Variants in GLCCI1 observed in about 807,000 individuals in gnomAD.
GLCCI1 encodes the protein glucocorticoid induced 1.
A neutral mutation model predicts 52.2 loss-of-function variants in GLCCI1; 24 were observed. The observed-to-expected ratio is 0.46, with a 90% confidence interval of 0.33 to 0.65. The LOEUF is 0.65. Among genes scored for constraint, GLCCI1 ranks in the 30% least tolerant of loss-of-function variants. The pLI, the probability that GLCCI1 is intolerant of heterozygous loss-of-function variation, is 0.02. For missense variants in GLCCI1, 704 were observed against 701.5 expected, an observed-to-expected ratio of 1.00 and a Z score of -0.04; for synonymous variants, 310 against 276.5, an observed-to-expected ratio of 1.12 and a Z score of -1.20.
At chr7:8,066,560 C>T (rs1782635628) in intron 5 of GLCCI1, among the ~76,000 whole-genome samples, 1 of 149,862 alleles carries the variant, frequency 6.7e-6, no homozygotes, top group African/African-American at 2.5e-5. Flanking sequence ...TAGCTGTGTC[C>T]CATAGAATCT....
chr7:8,076,531 AT>A (rs1296806756), intron 6 of GLCCI1, among the ~76,000 whole-genome samples: 7 of 152,212 alleles, frequency 4.6e-5, no homozygotes, highest in Admixed American at 3.3e-4. Context: ...TATCCAGTAA[AT>A]GCTATTGTCC....
intron 1 of GLCCI1, among the ~76,000 whole-genome samples, chr7:7,987,486 A>T (rs1780758117): frequency 6.6e-6 from 1 of 152,168 alleles, no homozygotes; most frequent in Admixed American, 6.5e-5. Context: ...ACTGTTCAGG[A>T]TCTCATTGCC....
intron 3 of GLCCI1, among the ~76,000 whole-genome samples, chr7:8,044,516 A>C (rs1345796209): frequency 3.3e-5 from 5 of 151,992 alleles, no homozygotes; most frequent in Admixed American, 6.6e-5. Context: ...GACTATAGGC[A>C]TATGCCACCA....
intron 2 of GLCCI1, among the ~76,000 whole-genome samples, chr7:8,012,218 T>G (rs533410147): frequency 2.0e-5 from 3 of 152,272 alleles, no homozygotes; most frequent in African/African-American, 7.2e-5. Context: ...TTGTATTTCC[T>G]AAATGATTAA....
chr7:7,990,028 C>T (rs1780808664), intron 1 of GLCCI1, among the ~76,000 whole-genome samples: 1 of 151,656 alleles, frequency 6.6e-6, no homozygotes, highest in Non-Finnish European at 1.5e-5. Flanking sequence ...AAAATGTAAT[C>T]AGAAGTGAAG....
intron 6 of GLCCI1, among the ~76,000 whole-genome samples, chr7:8,072,273 A>G (rs1214999627): frequency 1.3e-5 from 2 of 152,210 alleles, no homozygotes; most frequent in East Asian, 1.9e-4. Context: ...ACTTATCATT[A>G]TACCTAACTC....
intron 4 of GLCCI1, 26 bp downstream of exon 4, chr7:8,055,575 G>A: frequency 7.6e-7 from 1 of 1,317,496 alleles, no homozygotes; most frequent in Non-Finnish European, 1.1e-6. Flanking sequence ...GTCCAGATTT[G>A]AATAATTACT....
At chr7:8,015,274 T>TA (rs1343573471) in intron 2 of GLCCI1, among the ~76,000 whole-genome samples, 61 of 152,342 alleles carry the variant, frequency 4.0e-4, no homozygotes, top group Non-Finnish European at 5.7e-4. Flanking sequence ...ATATAAAAAA[T>TA]AACTTTCAGT....
intron 1 of GLCCI1, chr7:7,981,582 C>G (rs37983): frequency 0.47 from 88,712 of 190,666 alleles, 21,061 homozygotes; most frequent in Middle Eastern, 0.55. Context: ...CCTGGCCTCC[C>G]AAAGTGCTGG....
At position 8,071,112 on chromosome 7, in the gene GLCCI1, G is replaced by T; in HGVS notation, c.1158G>T (p.Leu386Phe). The T allele has an allele frequency of 6.2e-7, 1 of 1,614,010 alleles. No homozygotes were observed. The highest frequency in any genetic ancestry group is 1.6e-4 in the Middle Eastern group (1 of 6,062). ...GTAGCCCTTGCTCAACAGAAGATTT[G>T]CTCTATGATCGTGATAAAGGTAAGA... ...QDGSPCSTED[L>F]LYDRDKDSGS... Residue 386 changes from leucine (L) to phenylalanine (F), a missense_variant, in exon 6 of 8, where the codon TTG (leucine) becomes TTT (phenylalanine). Transcript: ENST00000223145.
intron 3 of GLCCI1, among the ~76,000 whole-genome samples, chr7:8,043,322 A>G (rs1782044058): frequency 6.8e-6 from 1 of 147,088 alleles, no homozygotes; most frequent in Non-Finnish European, 1.5e-5. Context: ...TCATTCAACA[A>G]TGCTGTGGTA....
chr7:7,969,603 G>A lies in GLCCI1; in HGVS notation c.253G>A (p.Val85Ile). 1 of 1,030,100 alleles carries A rather than the reference G, an allele frequency of 9.7e-7. No homozygotes were observed. The highest frequency in any genetic ancestry group is 1.7e-5 in the African/African-American group (1 of 57,336). 63.8% of individuals were successfully genotyped at this position (1,030,100 alleles called of 1,614,324 possible). A position where few individuals can be genotyped will look rare whatever the true frequency, so the allele number is the denominator to read the frequency against. The change falls in exon 1 of 8, where the codon GTC (valine) becomes ATC (isoleucine). Residue 85 changes from valine to isoleucine, a missense_variant. Coordinates refer to ENST00000223145, the MANE Select transcript of GLCCI1 (RefSeq NM_138426.4). The surrounding 1 kb of genome is among the most constrained non-coding windows in gnomAD (Gnocchi z 4.9). ...GSQHSPTRPP[V>I]AAAAASLGSL... is the part of the protein sequence containing the mutation. ...CCAGCACAGTCCCACGCGTCCGCCC[G>A]TCGCCGCTGCCGCCGCCTCGCTGGG...
chr7:7,978,670 A>G (rs1780548150), intron 1 of GLCCI1, among the ~76,000 whole-genome samples: 2 of 152,188 alleles, frequency 1.3e-5, no homozygotes, highest in Admixed American at 1.3e-4. Context: ...TGTGATGGAT[A>G]AAGTTTCTCA....
intron 1 of GLCCI1, among the ~76,000 whole-genome samples, chr7:7,992,673 G>A (rs1028655944): frequency 6.6e-6 from 1 of 151,784 alleles, no homozygotes. Flanking sequence ...TTGTTCCTTT[G>A]GTCATTTCTT....
chr7:7,992,111 C>T (rs983152960), intron 1 of GLCCI1, among the ~76,000 whole-genome samples: 5 of 130,076 alleles, frequency 3.8e-5, no homozygotes, highest in East Asian at 2.4e-4. Context: ...GTCTGTTTCT[C>T]TCTCTCTCTC....
rs534262194 is a variant in GLCCI1, at chr7:8,052,337, T to A, written c.697-3096T>A. Among the ~76,000 whole-genome samples the A allele has an allele frequency of 2.6e-5, 4 of 152,338 alleles. No individual in the cohort carries two copies. The East Asian group carries it at 7.7e-4, about 29-fold the overall frequency. ...AGAGTTTCTAACTATTGAATACAAA[T>A]TATTACAGTTTATGGATTGAATTTT... is the stretch of plus-strand genomic sequence containing the variant. On this transcript the variant is annotated intron_variant, in intron 3 of 7. Transcript: ENST00000223145.
chr7:7,980,098 A>G (rs963179959), intron 1 of GLCCI1, among the ~76,000 whole-genome samples: 1 of 151,982 alleles, frequency 6.6e-6, no homozygotes, highest in African/African-American at 2.4e-5. Flanking sequence ...TTGTATTTTT[A>G]GTAGAGATGG....
intron 3 of GLCCI1, among the ~76,000 whole-genome samples, chr7:8,026,109 T>C (rs1781613635): frequency 6.6e-6 from 1 of 152,172 alleles, no homozygotes. Flanking sequence ...ATGAAATATA[T>C]ATATGATAAT....
At chr7:8,038,914 GA>G (rs930846828) in intron 3 of GLCCI1, among the ~76,000 whole-genome samples, 1 of 151,244 alleles carries the variant, frequency 6.6e-6, no homozygotes, top group African/African-American at 2.4e-5. Flanking sequence ...AATGCAACAA[GA>G]AAAAAAATAC....
Sources: gnomAD v4.1 joint callset for allele counts (sites outside exome capture counted in the v4.1 genomes callset) on GRCh38, gnomAD v4.1.1 for gene constraint, Gnocchi (gnomAD v3.1) non-coding constraint, MANE v1.5 for transcripts, NCBI Gene and HGNC (gene_info 2026-07-23, HGNC 2026-07-21) for gene names.